AKNAD1: variants seen among roughly 807,000 people sequenced by gnomAD.
AKNAD1 encodes AKNA domain containing 1.
AKNAD1 carries 67 observed loss-of-function variants against 90.8 expected under a neutral mutation model. The observed-to-expected ratio is 0.74, with a 90% CI of 0.61 to 0.90. AKNAD1 has a LOEUF of 0.90. Among genes scored for constraint, AKNAD1 ranks in the 40% least tolerant of loss-of-function variants. The pLI is 0.00. For synonymous variants in AKNAD1, 327 were observed against 341.4 expected (o/e 0.96, Z 0.46); for missense variants, 957 against 975.4 (o/e 0.98, Z 0.25).
intron 3 of AKNAD1, among the ~76,000 whole-genome samples, chr1:108,849,317 CAA>C (rs375700386): frequency 6.9e-6 from 1 of 144,270 alleles, no homozygotes; most frequent in East Asian, 2.0e-4. Context: ...CCCACATCTA[CAA>C]AAAAAAAAAA....
intron 6 of AKNAD1, among the ~76,000 whole-genome samples, chr1:108,839,779 G>GATACCAC (rs1295096782): frequency 6.6e-6 from 1 of 152,152 alleles, no homozygotes; most frequent in Non-Finnish European, 1.5e-5. Context: ...AACACTTTGG[G>GATACCAC]AGACCACAGT....
At chr1:108,849,441 T>G (rs1664788591) in intron 3 of AKNAD1, 96 bp downstream of exon 3, 2 of 793,192 alleles carry the variant, frequency 2.5e-6, no homozygotes, top group Middle Eastern at 2.7e-4. Context: ...ATTGTGCTGC[T>G]GCACTCCAGC....
At chr1:108,834,411 G>C (rs755004150) in intron 9 of AKNAD1, 36 bp downstream of exon 9, 1 of 1,549,368 alleles carries the variant, frequency 6.5e-7, no homozygotes, top group Non-Finnish European at 8.8e-7. Context: ...CCAACAATGA[G>C]AAGAACCCAG....
At chr1:108,831,724 T>G (rs113193641) in intron 9 of AKNAD1, among the ~76,000 whole-genome samples, 3,625 of 127,302 alleles carry the variant, frequency 0.028, 71 homozygotes, top group South Asian at 0.081. Flanking sequence ...GCTCCCGGGT[T>G]CAAGCAATTC....
intron 2 of AKNAD1, among the ~76,000 whole-genome samples, chr1:108,851,470 A>G (rs1664860434): frequency 6.6e-6 from 1 of 152,136 alleles, no homozygotes; most frequent in South Asian, 2.1e-4. Flanking sequence ...ATTCTCTTAT[A>G]TGTTTTTGTC....
chr1:108,818,868 C>T (rs1212852642), intron 14 of AKNAD1, among the ~76,000 whole-genome samples: 1 of 148,532 alleles, frequency 6.7e-6, no homozygotes, highest in Non-Finnish European at 1.5e-5. Flanking sequence ...GAGGCTGAGG[C>T]AGGAGACTCA....
intron 3 of AKNAD1, among the ~76,000 whole-genome samples, 169 bp downstream of exon 3, chr1:108,849,368 A>G (rs1664787323): frequency 6.6e-6 from 1 of 151,896 alleles, no homozygotes; most frequent in Non-Finnish European, 1.5e-5. Context: ...AATCCCAGCT[A>G]CTCGGGAGGA....
chr1:108,818,293 A>G (rs995583075), intron 14 of AKNAD1, among the ~76,000 whole-genome samples: 6 of 152,312 alleles, frequency 3.9e-5, no homozygotes, highest in African/African-American at 1.4e-4. Context: ...TCTCCAGAAA[A>G]TATCCTTTCA....
intron 14 of AKNAD1, among the ~76,000 whole-genome samples, chr1:108,819,496 TGTACTCCCAGCTACCCA>T (rs945825012): frequency 6.7e-5 from 10 of 150,112 alleles, no homozygotes; most frequent in African/African-American, 2.5e-4. Flanking sequence ...ATCACATGCC[TGTACTCCCAGCTACCCA>T]GGAAGCTGTG....
chr1:108,820,760 CAT>C (rs1448546175), intron 13 of AKNAD1, 134 bp from the exon 14 acceptor site: 4 of 587,396 alleles, frequency 6.8e-6, no homozygotes, highest in Non-Finnish European at 1.2e-5. Context: ...AACTGGGAAA[CAT>C]AGACAACAAA....
Position 108,849,007 on chromosome 1 carries a change from T to G in AKNAD1, c.1087A>C (p.Thr363Pro). The G allele has an allele frequency of 1.2e-6, 2 of 1,611,142 alleles. No individual in the cohort carries two copies. Among genetic ancestry groups the G allele is most frequent in the Non-Finnish European group, 1.7e-6 (2 of 1,179,306 alleles). The change falls in exon 4 of 16, where the codon ACT (threonine) becomes CCT (proline). Residue 363 changes from threonine (T) to proline (P), a missense_variant. Thr to Pro is a conservative substitution (Grantham distance 38). Coordinates refer to ENST00000370001, the MANE Select transcript of AKNAD1 (RefSeq NM_152763.5). Reference sequence around the variant, plus strand: ...AATATGTAAGAAGAACTTGAGGAAGTGCCTTTCTGAGAGGTTGGTGACAAC... The same window carrying G: ...AATATGTAAGAAGAACTTGAGGAAGGGCCTTTCTGAGAGGTTGGTGACAAC... ...SKLSPTSQKGTSSSSSYIFQK... is the reference protein window; with the variant it reads ...SKLSPTSQKGPSSSSSYIFQK...
chr1:108,823,474 A>G lies in AKNAD1; in HGVS notation c.2063T>C (p.Phe688Ser), dbSNP rs748320153. The G allele has an allele frequency of 1.2e-6, 2 of 1,613,648 alleles. No individual in the cohort carries two copies. The highest frequency in any genetic ancestry group is 1.1e-5 in the South Asian group (1 of 91,078). ...TCCTGGAGTGTTGTATCTATAATGA[A>G]ATTCTGGGAAGAAAAGATTAAAAAT... Reference protein sequence around the residue: ...RACRKEPTKEFHYRYNTPGQN... With the variant: ...RACRKEPTKESHYRYNTPGQN... The change falls in exon 13 of 16, where the codon TTT becomes TCT. Residue 688 changes from phenylalanine (F) to serine (S), a missense_variant. By Grantham distance (155) the Phe-to-Ser change is radical (BLOSUM62 -2). Transcript: ENST00000370001.
rs185458487 is a variant in AKNAD1, at chr1:108,823,071, G to A, written c.2167+299C>T. 1.1e-3 allele frequency: 696 copies of A among 643,876 alleles called. 4 individuals are homozygous for A. Among genetic ancestry groups the A allele is most frequent in the Middle Eastern group, 7.2e-3 (17 of 2,372 alleles). 39.9% of individuals were successfully genotyped at this position (643,876 alleles called of 1,614,324 possible). Reference sequence around the variant, plus strand: ...AATAATAGTAGTGATTATCCAGTAAGTCATTTATTTGTTCAGCAAACATTT... The same window carrying A: ...AATAATAGTAGTGATTATCCAGTAAATCATTTATTTGTTCAGCAAACATTT... On this transcript the variant is annotated intron_variant, in intron 13 of 15. Transcript: ENST00000370001.
intron 7 of AKNAD1, among the ~76,000 whole-genome samples, chr1:108,835,612 TTA>T (rs1664356281): frequency 6.6e-6 from 1 of 150,754 alleles, no homozygotes; most frequent in Non-Finnish European, 1.5e-5. Context: ...CATTTCATAA[TTA>T]TATGTTAATT....
Position 108,834,524 on chromosome 1 carries a change from G to C in AKNAD1, c.1669C>G (p.Leu557Val). The change falls in exon 9 of 16, where the codon CTA becomes GTA. Residue 557 changes from leucine (L) to valine (V), a missense_variant. Physicochemically the swap from Leu to Val is conservative, Grantham distance 32. Coordinates refer to ENST00000370001, the MANE Select transcript of AKNAD1 (RefSeq NM_152763.5). The stretch of plus-strand genomic sequence containing the variant: ...GCTGCATCTCCATAATGACCGTTTA[G>C]GTAACTAATTTAAAAAAAAAAAAAG... ...ELCELAPQTY[L>V]NGHYGDAAAQ... 1 of 1,539,618 alleles carries C rather than the reference G, an allele frequency of 6.5e-7. No homozygotes were observed. The highest frequency in any genetic ancestry group is 8.7e-7 in the Non-Finnish European group (1 of 1,149,700).
chr1:108,846,249 C>G (rs916751361), intron 5 of AKNAD1, among the ~76,000 whole-genome samples: 2 of 152,144 alleles, frequency 1.3e-5, no homozygotes, highest in Admixed American at 1.3e-4. Context: ...AGACCACAGG[C>G]TGATAATGTC....
intron 14 of AKNAD1, among the ~76,000 whole-genome samples, chr1:108,818,220 C>G (rs1663689424): frequency 6.6e-6 from 1 of 152,248 alleles, no homozygotes; most frequent in South Asian, 2.1e-4. Context: ...ACAGCTTCCT[C>G]CGGCTTCAGG....
intron 5 of AKNAD1, among the ~76,000 whole-genome samples, chr1:108,847,704 C>T (rs1225091874): frequency 4.6e-5 from 7 of 152,172 alleles, no homozygotes. Context: ...TCCTGCCAAG[C>T]TCATCCCTAT....
At chr1:108,844,029 G>C (rs1418302411) in intron 5 of AKNAD1, among the ~76,000 whole-genome samples, 1 of 147,374 alleles carries the variant, frequency 6.8e-6, no homozygotes, top group Non-Finnish European at 1.5e-5. Flanking sequence ...CCTGGTCTTA[G>C]AGATGTTATT....
Sources: gnomAD v4.1 joint callset for allele counts (sites outside exome capture counted in the v4.1 genomes callset) on GRCh38, gnomAD v4.1.1 for gene constraint, MANE v1.5 for transcripts, NCBI Gene and HGNC (gene_info 2026-07-23, HGNC 2026-07-21) for gene names.